SAMD3: variants seen among roughly 807,000 people sequenced by gnomAD.
SAMD3 encodes sterile alpha motif domain-containing protein 3.
SAMD3 carries 63 observed loss-of-function variants against 58.5 expected under a neutral mutation model. The observed-to-expected ratio is 1.08, with a 90% confidence interval of 0.88 to 1.33. The LOEUF is 1.33. Ranked by LOEUF, SAMD3 falls within the 40% of genes most tolerant of loss-of-function variation. The pLI is 0.00. For synonymous variants in SAMD3, 220 were observed against 210.3 expected, an observed-to-expected ratio of 1.05 and a Z score of -0.40; for missense variants, 604 against 608.4, an observed-to-expected ratio of 0.99 and a Z score of 0.08.
chr6:130,351,712 G>T (rs1777672656), intron 1 of SAMD3, among the ~76,000 whole-genome samples: 1 of 151,966 alleles, frequency 6.6e-6, no homozygotes, highest in Non-Finnish European at 1.5e-5. Flanking sequence ...CCCATTACTG[G>T]GTATATACCC....
At chr6:130,274,880 C>T (rs936858136) in intron 2 of SAMD3, among the ~76,000 whole-genome samples, 13 of 151,916 alleles carry the variant, frequency 8.6e-5, no homozygotes, top group African/African-American at 1.2e-4. Context: ...AACTTAGTCC[C>T]TTACAATTCC....
intron 1 of SAMD3, among the ~76,000 whole-genome samples, chr6:130,322,391 C>T (rs1776615111): frequency 6.6e-6 from 1 of 152,184 alleles, no homozygotes; most frequent in Non-Finnish European, 1.5e-5. Flanking sequence ...CGAGTAAGAG[C>T]AGAAGGTACA....
chr6:130,175,190 T>C (rs943562996), intron 8 of SAMD3, among the ~76,000 whole-genome samples: 1 of 152,220 alleles, frequency 6.6e-6, no homozygotes, highest in African/African-American at 2.4e-5. Context: ...TCTACTTTGA[T>C]AGCAGGGGAA....
intron 2 of SAMD3, among the ~76,000 whole-genome samples, chr6:130,243,607 A>C (rs747778849): frequency 3.9e-5 from 6 of 152,246 alleles, no homozygotes; most frequent in African/African-American, 7.2e-5. Flanking sequence ...CATAACTATT[A>C]AGTACAGAAC....
intron 2 of SAMD3, among the ~76,000 whole-genome samples, chr6:130,300,662 C>T (rs1348463803): frequency 6.6e-6 from 1 of 152,060 alleles, no homozygotes; most frequent in African/African-American, 2.4e-5. Context: ...AAAAGGCATC[C>T]ACATAGGAAA....
intron 8 of SAMD3, among the ~76,000 whole-genome samples, chr6:130,170,673 G>T (rs563438375): frequency 6.6e-6 from 1 of 152,268 alleles, no homozygotes; most frequent in East Asian, 1.9e-4. Flanking sequence ...TCCCTTGTAG[G>T]TTGTATTCCT....
chr6:130,336,001 C>G (rs1019560378), intron 1 of SAMD3, among the ~76,000 whole-genome samples: 2 of 151,948 alleles, frequency 1.3e-5, no homozygotes, highest in African/African-American at 4.8e-5. Flanking sequence ...ACATCACACT[C>G]TGGGGACTGT....
intron 2 of SAMD3, among the ~76,000 whole-genome samples, chr6:130,296,772 G>T (rs1226874561): frequency 1.3e-5 from 2 of 152,156 alleles, no homozygotes; most frequent in African/African-American, 4.8e-5. Context: ...CCATATTGGG[G>T]TAGCTCTCAG....
chr6:130,251,755 G>C (rs1773745005), intron 2 of SAMD3, among the ~76,000 whole-genome samples: 1 of 152,088 alleles, frequency 6.6e-6, no homozygotes, highest in Non-Finnish European at 1.5e-5. Flanking sequence ...ATACAATCTA[G>C]ATTTCTGTAG....
chr6:130,153,094 G>C (rs745373369), intron 9 of SAMD3, among the ~76,000 whole-genome samples: 7 of 152,124 alleles, frequency 4.6e-5, no homozygotes, highest in Non-Finnish European at 1.0e-4. Flanking sequence ...TGTCACACGT[G>C]GTGCTCTGCT....
intron 1 of SAMD3, among the ~76,000 whole-genome samples, chr6:130,315,528 A>C (rs1331557674): frequency 6.6e-6 from 1 of 152,172 alleles, no homozygotes; most frequent in Non-Finnish European, 1.5e-5. Flanking sequence ...GTTAATATAT[A>C]TAAAAGCACT....
intron 5 of SAMD3, among the ~76,000 whole-genome samples, chr6:130,189,385 G>A (rs1232095104): frequency 6.6e-6 from 1 of 152,190 alleles, no homozygotes; most frequent in Non-Finnish European, 1.5e-5. Context: ...GAAGAGGTCA[G>A]TGCCTTGATC....
chr6:130,304,858 A>C (rs946370452), intron 2 of SAMD3, among the ~76,000 whole-genome samples: 2 of 151,988 alleles, frequency 1.3e-5, no homozygotes, highest in Non-Finnish European at 2.9e-5. Context: ...ATTTTTCTAC[A>C]AAGTGCTTAC....
chr6:130,286,480 C>T (rs79373772), intron 2 of SAMD3, among the ~76,000 whole-genome samples: 2,757 of 151,962 alleles, frequency 0.018, 90 homozygotes, highest in African/African-American at 0.059. Context: ...GTATTTATTG[C>T]CTCCGTTCCT....
At chr6:130,198,644 A>G (rs1794366404) in intron 5 of SAMD3, among the ~76,000 whole-genome samples, 1 of 152,256 alleles carries the variant, frequency 6.6e-6, no homozygotes, top group Non-Finnish European at 1.5e-5. Flanking sequence ...AAGAAGTGCC[A>G]GGTTACTAAG....
At chr6:130,202,517 A>T (rs1794730016) in intron 5 of SAMD3, among the ~76,000 whole-genome samples, 1 of 152,212 alleles carries the variant, frequency 6.6e-6, no homozygotes, top group Non-Finnish European at 1.5e-5. Flanking sequence ...GCACTCAGTA[A>T]TTATTTACAT....
At chr6:130,221,235 C>A (rs183599090) in intron 1 of SAMD3, among the ~76,000 whole-genome samples, 22 of 152,052 alleles carry the variant, frequency 1.4e-4, no homozygotes, top group Non-Finnish European at 3.1e-4. Context: ...AACACCTACA[C>A]AATAAATTCC....
chr6:130,156,999 GA>G, intron 8 of SAMD3, among the ~76,000 whole-genome samples: 1 of 152,078 alleles, frequency 6.6e-6, no homozygotes, highest in South Asian at 2.1e-4. Context: ...GAACCTGGGG[GA>G]CAGAGGTTGT....
intron 2 of SAMD3, chr6:130,215,803 C>T (rs1027435638): frequency 6.5e-7 from 1 of 1,534,654 alleles, no homozygotes; most frequent in Non-Finnish European, 8.7e-7. Context: ...TAACCCCTTG[C>T]TTCTCCTGGC....
Sources: allele counts gnomAD v4.1 joint callset (sites outside exome capture counted in the v4.1 genomes callset), GRCh38; gene constraint gnomAD v4.1.1; transcripts MANE v1.5; gene names NCBI Gene and HGNC (gene_info 2026-07-23, HGNC 2026-07-21).